EVA1A: variants seen among roughly 807,000 people sequenced by gnomAD.
EVA1A encodes the protein protein eva-1 homolog A.
Under a neutral mutation model 9.8 loss-of-function variants are expected in EVA1A, and 7 were observed. That is an observed-to-expected ratio of 0.71 (90% CI 0.41 to 1.34). The LOEUF is 1.34. Ranked by LOEUF, EVA1A falls within the 40% of genes most tolerant of loss-of-function variation. The pLI is 0.01. For missense variants in EVA1A, 206 were observed against 205.9 expected (o/e 1.00, Z 0.00); for synonymous variants, 90 against 85.6 (o/e 1.05, Z -0.28).
chr2:75,520,854 T>G (rs1272909985), intron 2 of EVA1A, among the ~76,000 whole-genome samples: 1 of 151,994 alleles, frequency 6.6e-6, no homozygotes, highest in Non-Finnish European at 1.5e-5. Context: ...AAGGACTCTA[T>G]GAAAATTAAA....
At chr2:75,548,544 GA>G (rs1450959898) in intron 1 of EVA1A, among the ~76,000 whole-genome samples, 1 of 152,012 alleles carries the variant, frequency 6.6e-6, no homozygotes, top group Non-Finnish European at 1.5e-5. Context: ...CTTTCCACAT[GA>G]AAAAATTTCA....
chr2:75,566,119 C>T (rs1337612634), intron 1 of EVA1A, among the ~76,000 whole-genome samples: 5 of 152,134 alleles, frequency 3.3e-5, no homozygotes, highest in African/African-American at 7.2e-5. Flanking sequence ...ATTCATTCCA[C>T]GACAGCCTGC....
chr2:75,502,200 T>C (rs1263929251), intron 3 of EVA1A, among the ~76,000 whole-genome samples: 3 of 152,232 alleles, frequency 2.0e-5, no homozygotes, highest in South Asian at 4.1e-4. Flanking sequence ...AGCCTCTAGA[T>C]AGCTTATGTA....
intron 2 of EVA1A, among the ~76,000 whole-genome samples, chr2:75,519,835 G>A (rs1379991777): frequency 6.6e-6 from 1 of 151,688 alleles, no homozygotes; most frequent in African/African-American, 2.4e-5. Context: ...CTCCACTAAT[G>A]TTACCAGATT....
At chr2:75,563,504 G>A (rs1430138932), upstream of EVA1A, among the ~76,000 whole-genome samples, 1 of 152,224 alleles carries the variant, frequency 6.6e-6, no homozygotes, top group Non-Finnish European at 1.5e-5. Flanking sequence ...GTGTGTGTAT[G>A]CTTTTAATGA....
intron 3 of EVA1A, among the ~76,000 whole-genome samples, chr2:75,499,281 GAT>G (rs539122549): frequency 2.7e-4 from 41 of 152,322 alleles, no homozygotes; most frequent in Non-Finnish European, 4.7e-4. Context: ...CTTCAAGACT[GAT>G]AGGAGAAAAG....
At chr2:75,522,039 T>G (rs1306148067) in intron 2 of EVA1A, among the ~76,000 whole-genome samples, 1 of 152,184 alleles carries the variant, frequency 6.6e-6, no homozygotes. Context: ...AAGTAAGAGA[T>G]GTTATTGCAT....
At chr2:75,523,114 T>G (rs1675289659) in intron 1 of EVA1A, among the ~76,000 whole-genome samples, 1 of 152,222 alleles carries the variant, frequency 6.6e-6, no homozygotes, top group African/African-American at 2.4e-5. Context: ...ACTTCACGTG[T>G]GCACACTCAT....
intron 3 of EVA1A, among the ~76,000 whole-genome samples, chr2:75,516,711 T>C (rs1300323370): frequency 6.6e-6 from 1 of 152,208 alleles, no homozygotes; most frequent in Admixed American, 6.5e-5. Flanking sequence ...GATTCACAGG[T>C]ATCCTTTGGG....
At chr2:75,561,748 G>A (rs1371548069), upstream of EVA1A, among the ~76,000 whole-genome samples, 2 of 152,196 alleles carry the variant, frequency 1.3e-5, no homozygotes, top group Non-Finnish European at 2.9e-5. Flanking sequence ...GCCTTCAGGA[G>A]GCGGTCTAGC....
At chr2:75,534,494 C>T (rs946987860) in intron 1 of EVA1A, among the ~76,000 whole-genome samples, 1 of 107,560 alleles carries the variant, frequency 9.3e-6, no homozygotes, top group African/African-American at 5.0e-5. Flanking sequence ...AAACAATGTT[C>T]AAGTAACTAA....
upstream of EVA1A, among the ~76,000 whole-genome samples, chr2:75,563,822 ATAAGTTGTC>A (rs1284471205): frequency 6.6e-6 from 1 of 152,146 alleles, no homozygotes; most frequent in Non-Finnish European, 1.5e-5. Context: ...TACCCACAAA[ATAAGTTGTC>A]TTTGATTGCT....
chr2:75,533,104 A>G (rs1572973930), intron 1 of EVA1A, among the ~76,000 whole-genome samples: 2 of 151,308 alleles, frequency 1.3e-5, no homozygotes, highest in Admixed American at 6.6e-5. Flanking sequence ...AGATTGCCCC[A>G]CTGCACTGCA....
intron 3 of EVA1A, among the ~76,000 whole-genome samples, chr2:75,502,209 T>C (rs1572946829): frequency 1.3e-5 from 2 of 152,244 alleles, no homozygotes; most frequent in East Asian, 3.8e-4. Context: ...ATAGCTTATG[T>C]ATCCACTAAG....
At chr2:75,542,623 C>A (rs914159732) in intron 1 of EVA1A, 1 of 152,582 alleles carries the variant, frequency 6.6e-6, no homozygotes, top group East Asian at 1.9e-4. Flanking sequence ...CTGATCCTCT[C>A]CTGCGTGCAT....
intron 1 of EVA1A, among the ~76,000 whole-genome samples, chr2:75,523,207 T>C (rs942334889): frequency 6.6e-6 from 1 of 152,232 alleles, no homozygotes; most frequent in Non-Finnish European, 1.5e-5. Context: ...ACATCTCAGC[T>C]ATTTCTTCCC....
chr2:75,517,070 C>A (rs898120289), intron 3 of EVA1A, among the ~76,000 whole-genome samples: 1 of 152,032 alleles, frequency 6.6e-6, no homozygotes, highest in Non-Finnish European at 1.5e-5. Flanking sequence ...CCTGAGCAGT[C>A]CTTTTTTTTT....
intron 1 of EVA1A, among the ~76,000 whole-genome samples, chr2:75,556,565 T>C (rs1049568669): frequency 3.3e-5 from 5 of 152,180 alleles, no homozygotes; most frequent in Non-Finnish European, 7.4e-5. Context: ...GGAATTTGTC[T>C]CTCAGGTCAG....
At chr2:75,549,709 A>G (rs1676459910) in intron 1 of EVA1A, among the ~76,000 whole-genome samples, 1 of 152,202 alleles carries the variant, frequency 6.6e-6, no homozygotes, top group African/African-American at 2.4e-5. Context: ...CAAATAATTC[A>G]GCTGAGCTGC....
Sources: allele counts gnomAD v4.1 joint callset (sites outside exome capture counted in the v4.1 genomes callset), GRCh38; gene constraint gnomAD v4.1.1; transcripts MANE v1.5; gene names NCBI Gene and HGNC (gene_info 2026-07-23, HGNC 2026-07-21).